The following DGKB variants were observed in gnomAD, a reference collection of about 807,000 sequenced individuals.
DGKB encodes the protein diacylglycerol kinase beta.
A neutral mutation model predicts 114.3 loss-of-function variants in DGKB; 67 were observed. The observed-to-expected ratio is 0.59, with a 90% CI of 0.48 to 0.72. The LOEUF (loss-of-function observed/expected upper bound fraction) is 0.72. Ranked by LOEUF, DGKB falls within the 30% of genes least tolerant of loss-of-function variation. DGKB has a pLI of 0.00. For synonymous variants in DGKB, 398 were observed against 323.1 expected, an observed-to-expected ratio of 1.23 and a Z score of -2.49; for missense variants, 907 against 975.2, an observed-to-expected ratio of 0.93 and a Z score of 0.93.
At chr7:14,292,446 C>T (rs1269675556) in intron 23 of DGKB, among the ~76,000 whole-genome samples, 2 of 152,164 alleles carry the variant, frequency 1.3e-5, no homozygotes, top group Non-Finnish European at 2.9e-5. Flanking sequence ...TGCTCATATT[C>T]ACATCTCGGA....
chr7:14,434,338 T>A (rs1335613546), intron 21 of DGKB, among the ~76,000 whole-genome samples: 1 of 152,156 alleles, frequency 6.6e-6, no homozygotes, highest in Admixed American at 6.6e-5. Flanking sequence ...AAGATGCGAT[T>A]AAATTTTAGG....
At chr7:14,194,345 C>G (rs1784725996) in intron 23 of DGKB, among the ~76,000 whole-genome samples, 1 of 152,022 alleles carries the variant, frequency 6.6e-6, no homozygotes. Context: ...CAAATATACA[C>G]CGTAGAATAT....
At chr7:14,248,977 C>G (rs115177450) in intron 23 of DGKB, among the ~76,000 whole-genome samples, 2,044 of 152,220 alleles carry the variant, frequency 0.013, 43 homozygotes, top group African/African-American at 0.047. Flanking sequence ...CTTTGGGTCT[C>G]TCTTGTATGG....
intron 21 of DGKB, among the ~76,000 whole-genome samples, chr7:14,423,080 T>C (rs1472054877): frequency 6.6e-6 from 1 of 152,002 alleles, no homozygotes; most frequent in Admixed American, 6.6e-5. Flanking sequence ...CCACTCTTTC[T>C]ACTTTAGAAG....
chr7:14,444,516 T>C (rs1367369491), intron 21 of DGKB, among the ~76,000 whole-genome samples: 2 of 151,864 alleles, frequency 1.3e-5, no homozygotes, highest in Non-Finnish European at 2.9e-5. Context: ...GTTTTGTAAC[T>C]TATTTGATTT....
At chr7:14,321,988 G>GTATT (rs1428258134) in intron 23 of DGKB, among the ~76,000 whole-genome samples, 2 of 152,174 alleles carry the variant, frequency 1.3e-5, no homozygotes, top group East Asian at 1.9e-4. Flanking sequence ...AATCCCTGTG[G>GTATT]TATTTATTTA....
intron 23 of DGKB, among the ~76,000 whole-genome samples, chr7:14,299,682 A>G (rs1039240404): frequency 5.3e-5 from 8 of 152,100 alleles, no homozygotes; most frequent in Non-Finnish European, 2.9e-5. Flanking sequence ...TGAAAAGGAA[A>G]GGGTATGAGG....
intron 2 of DGKB, among the ~76,000 whole-genome samples, chr7:14,839,407 C>CTTTTTTTTTTTT (rs911581318): frequency 7.6e-6 from 1 of 130,950 alleles, no homozygotes; most frequent in Non-Finnish European, 1.6e-5. Flanking sequence ...TCTTCTTCTT[C>CTTTTTTTTTTTT]TTTTTTTTTT....
At chr7:14,729,704 C>A (rs1357200848) in intron 5 of DGKB, among the ~76,000 whole-genome samples, 1 of 152,092 alleles carries the variant, frequency 6.6e-6, no homozygotes. Context: ...TTTATTTGGG[C>A]TCCTGTAGGC....
chr7:14,157,861 A>AAAC (rs1334758007), intron 25 of DGKB, among the ~76,000 whole-genome samples: 2 of 152,214 alleles, frequency 1.3e-5, no homozygotes, highest in Admixed American at 1.3e-4. Context: ...AAACATAACA[A>AAAC]AACAATACAA....
At chr7:14,188,883 C>G (rs1252230055) in intron 23 of DGKB, among the ~76,000 whole-genome samples, 1 of 151,698 alleles carries the variant, frequency 6.6e-6, no homozygotes, top group Admixed American at 6.6e-5. Context: ...ATGATATATT[C>G]AAAGTGCTGA....
At chr7:14,671,881 G>T (rs1022772792) in intron 13 of DGKB, among the ~76,000 whole-genome samples, 12 of 151,842 alleles carry the variant, frequency 7.9e-5, no homozygotes, top group African/African-American at 2.9e-4. Context: ...TTTTTATATG[G>T]CTCTCATTTT....
At chr7:14,175,720 A>G (rs551432777) in intron 25 of DGKB, among the ~76,000 whole-genome samples, 133 of 152,192 alleles carry the variant, frequency 8.7e-4, no homozygotes, top group African/African-American at 3.0e-3. Context: ...TTTTTTCTAC[A>G]TGATTTGTTC....
intron 23 of DGKB, among the ~76,000 whole-genome samples, chr7:14,262,127 G>A (rs912932607): frequency 5.3e-5 from 8 of 152,126 alleles, no homozygotes; most frequent in African/African-American, 1.9e-4. Context: ...GAGCTTCCAA[G>A]ATAATGACGT....
At chr7:14,628,672 C>T (rs1387969596) in intron 14 of DGKB, among the ~76,000 whole-genome samples, 1 of 152,046 alleles carries the variant, frequency 6.6e-6, no homozygotes, top group Non-Finnish European at 1.5e-5. Context: ...TTTCCGTTAA[C>T]CAAGGAGCAA....
chr7:14,892,218 C>G (rs1781353562), intron 1 of DGKB, among the ~76,000 whole-genome samples: 1 of 151,168 alleles, frequency 6.6e-6, no homozygotes, highest in Non-Finnish European at 1.5e-5. Flanking sequence ...GGAGAAGTTC[C>G]AGGTAATACC....
intron 19 of DGKB, among the ~76,000 whole-genome samples, chr7:14,580,372 T>C (rs1306566461): frequency 2.0e-5 from 3 of 152,238 alleles, no homozygotes; most frequent in African/African-American, 7.2e-5. Flanking sequence ...ACTTTTGTTT[T>C]TCTTTTGTCA....
At chr7:14,667,250 T>C (rs1291946470) in intron 13 of DGKB, among the ~76,000 whole-genome samples, 1 of 151,782 alleles carries the variant, frequency 6.6e-6, no homozygotes, top group Non-Finnish European at 1.5e-5. Flanking sequence ...GGAGAAGGTG[T>C]TCTAAAATAT....
intron 17 of DGKB, 27 bp from the exon 18 acceptor site, chr7:14,583,164 T>C (rs369147405): frequency 6.6e-6 from 9 of 1,361,032 alleles, no homozygotes; most frequent in African/African-American, 4.4e-5. Context: ...TTATGGCACA[T>C]GATTAATAGT....
Sources: allele counts gnomAD v4.1 joint callset (sites outside exome capture counted in the v4.1 genomes callset), GRCh38; gene constraint gnomAD v4.1.1; transcripts MANE v1.5; gene names NCBI Gene and HGNC (gene_info 2026-07-23, HGNC 2026-07-21).